The following MAP2K2 variants were observed in gnomAD, a reference collection of about 807,000 sequenced individuals.
MAP2K2 encodes the protein dual specificity mitogen-activated protein kinase kinase 2.
A neutral mutation model predicts 43.7 loss-of-function variants in MAP2K2; 24 were observed. That is an observed-to-expected ratio of 0.55 (90% CI 0.40 to 0.77). The LOEUF is 0.77. Among genes scored for constraint, MAP2K2 ranks in the 30% least tolerant of loss-of-function variants. The pLI, the probability that MAP2K2 is intolerant of heterozygous loss-of-function variation, is 0.00. For synonymous variants in MAP2K2, 244 were observed against 239.7 expected, an observed-to-expected ratio of 1.02 and a Z score of -0.17; for missense variants, 470 against 566.8, an observed-to-expected ratio of 0.83 and a Z score of 1.73.
intron 7 of MAP2K2, 43 bp from the exon 8 acceptor site, chr19:4,097,386 C>T (rs768442616): frequency 2.7e-6 from 4 of 1,484,012 alleles, no homozygotes; most frequent in Non-Finnish European, 3.8e-6. Context: ...CCGATGGCCA[C>T]CTCACTTCTG....
chr19:4,097,230 AAAG>A (rs2040931643), intron 8 of MAP2K2, 46 bp downstream of exon 8: 6 of 1,170,474 alleles, frequency 5.1e-6, no homozygotes, highest in Non-Finnish European at 7.4e-6. Flanking sequence ...AAAAAAAAAG[AAAG>A]AAGAAAGAAA....
intron 3 of MAP2K2, chr19:4,102,687 G>A (rs867446433): frequency 1.0e-4 from 115 of 1,132,524 alleles, no homozygotes; most frequent in South Asian, 5.2e-4. Context: ...CCCGCCTCCC[G>A]TCCCATCCTC....
intron 3 of MAP2K2, 28 bp downstream of exon 3, chr19:4,110,475 GCCCTGC>G (rs753323316): frequency 1.9e-6 from 3 of 1,610,232 alleles, no homozygotes; most frequent in East Asian, 2.2e-5. Flanking sequence ...TTCCGTGGAG[GCCCTGC>G]CCCTGCCCCT....
chr19:4,099,599 GA>G, intron 6 of MAP2K2, 185 bp from the exon 7 acceptor site: 1 of 609,598 alleles, frequency 1.6e-6, no homozygotes, highest in Non-Finnish European at 2.9e-6. Context: ...GGCACTTGCT[GA>G]AGAGGCTTCC....
intron 3 of MAP2K2, chr19:4,103,354 C>T (rs977588696): frequency 2.6e-6 from 2 of 765,242 alleles, no homozygotes; most frequent in Admixed American, 6.2e-5. Context: ...AATGCCAAAA[C>T]CCCAGGCACT....
In MAP2K2 at chr19:4,123,518, C is replaced by T. The variant is rs192871074; in HGVS notation, c.92+266G>A. Among the ~76,000 whole-genome samples the T allele has an allele frequency of 0.013, 1,953 of 151,468 alleles. 9 individuals carry two copies. The highest frequency in any genetic ancestry group is 0.02 in the Non-Finnish European group (1,367 of 67,792). On this transcript the variant is annotated intron_variant, in intron 1 of 10. Transcript: ENST00000262948. Reference sequence around the variant, plus strand: ...CCCAATCTCACTGCTCAAAGACCCCCCTGCCCCGTGCACCCTTCGCCCCGT... The same window carrying T: ...CCCAATCTCACTGCTCAAAGACCCCTCTGCCCCGTGCACCCTTCGCCCCGT...
At chr19:4,103,920 C>A (rs1301232794) in intron 3 of MAP2K2, among the ~76,000 whole-genome samples, 1 of 152,128 alleles carries the variant, frequency 6.6e-6, no homozygotes, top group East Asian at 1.9e-4. Flanking sequence ...GTGGAAGCTG[C>A]TTCTATTCTC....
rs946286490 is a variant in MAP2K2, at chr19:4,115,806, G to A, written c.303+1613C>T. On this transcript the variant is annotated intron_variant, in intron 2 of 10. Transcript: ENST00000262948. This position sits in a 1 kb window ranked among gnomAD's most constrained non-coding sequence, Gnocchi z 4.1. ...CAGTTTGGGGAACTACAGGATGGTG[G>A]GCTTCCAGGAAGAGGCAGCGTTCTA... is the stretch of plus-strand genomic sequence containing the variant. 1.5e-4 allele frequency among the ~76,000 whole-genome samples: 23 copies of A among 152,170 alleles called. No homozygotes were observed. The highest frequency in any genetic ancestry group is 5.3e-4 in the African/African-American group (22 of 41,456).
intron 3 of MAP2K2, among the ~76,000 whole-genome samples, chr19:4,108,495 G>A (rs2041116163): frequency 1.3e-5 from 2 of 150,352 alleles, no homozygotes; most frequent in Non-Finnish European, 3.0e-5. Context: ...TCCTGAACTC[G>A]CCTCGGCCTC....
intron 1 of MAP2K2, among the ~76,000 whole-genome samples, chr19:4,123,546 T>TGCGAGGGCCCCCTGCCCCGTCCTCCC (rs1568266533): frequency 1.6e-5 from 1 of 63,512 alleles, no homozygotes; most frequent in Non-Finnish European, 3.0e-5. Flanking sequence ...CGCCCCGTCC[T>TGCGAGGGCCCCCTGCCCCGTCCTCCC]CCGAGGGCCC....
At chr19:4,103,795 T>A (rs965511084) in intron 3 of MAP2K2, among the ~76,000 whole-genome samples, 5 of 152,100 alleles carry the variant, frequency 3.3e-5, no homozygotes, top group African/African-American at 1.2e-4. Context: ...CGTGACTCCA[T>A]CCACCAGCTC....
chr19:4,123,872 G>A lies in MAP2K2; in HGVS notation c.4C>T (p.Leu2=), dbSNP rs2145090083. The A allele has an allele frequency of 4.1e-6, 6 of 1,469,074 alleles. No homozygotes were observed. The highest frequency in any genetic ancestry group is 5.4e-6 in the Non-Finnish European group (6 of 1,107,576). The allele number at this position is 1,469,074 out of a possible 1,614,324, so 91.0% of individuals were successfully genotyped here. The change falls in exon 1 of 11, where the codon CTG becomes TTG. Residue 2 remains leucine, a synonymous_variant. Coordinates refer to ENST00000262948, the MANE Select transcript of MAP2K2 (RefSeq NM_030662.4). M[L]ARRKPVLPAL... is the part of the protein sequence containing the mutation. ...GGCAGCACCGGCTTCCTCCGGGCCA[G>A]CATCGGGGCTCCGCGGGCCGGCGGC...
chr19:4,114,656 T>C (rs1462842386), intron 2 of MAP2K2, among the ~76,000 whole-genome samples: 3 of 152,136 alleles, frequency 2.0e-5, no homozygotes, highest in South Asian at 2.1e-4. Context: ...TGACCTCAAA[T>C]ACCGAGACTG....
intron 3 of MAP2K2, chr19:4,102,933 CG>C (rs1306854848): frequency 1.6e-4 from 182 of 1,124,518 alleles, no homozygotes; most frequent in Non-Finnish European, 1.9e-4. Flanking sequence ...GGAGGAGACG[CG>C]GGTGCTGCCC....
In MAP2K2 at chr19:4,107,705, C is replaced by T. The variant is rs991151780; in HGVS notation, c.450+2804G>A. Among the ~76,000 whole-genome samples the T allele has an allele frequency of 2.0e-5, 3 of 151,744 alleles. No individual in the cohort carries two copies. The South Asian group carries it at 6.3e-4, about 32-fold the overall frequency. On this transcript the variant is annotated intron_variant, in intron 3 of 10. Coordinates refer to ENST00000262948, the MANE Select transcript of MAP2K2 (RefSeq NM_030662.4). ...CTGGGTGACAGAGAGAGACCTTGTA[C>T]CCCCTACCCCCCACAAAAAAAGAAG...
rs201526172 is a variant in MAP2K2, at chr19:4,117,581, G to A, written c.141C>T (p.Asp47=). ...CTTCCAGCCGCTTCTTCTGCTGCTCGTCAAGTTCCAGCTCCTCCAGCTTCT... is the reference window on the plus strand; with the variant it reads ...CTTCCAGCCGCTTCTTCTGCTGCTCATCAAGTTCCAGCTCCTCCAGCTTCT... The part of the protein sequence containing the change: ...LQKKLEELEL[D]EQQKKRLEAF... Residue 47 remains aspartate (D), a synonymous_variant, in exon 2 of 11, where the codon GAC becomes GAT. Transcript: ENST00000262948. 60 of 1,614,118 alleles carry A rather than the reference G, an allele frequency of 3.7e-5. No individual in the cohort carries two copies. The East Asian group carries it at 7.6e-4, about 20-fold the overall frequency.
chr19:4,099,608 T>A, intron 6 of MAP2K2, 194 bp from the exon 7 acceptor site: 1 of 602,782 alleles, frequency 1.7e-6, no homozygotes, highest in Non-Finnish European at 3.0e-6. Flanking sequence ...TGAAGAGGCT[T>A]CCAGCCCGAG....
At position 4,110,634 on chromosome 19, in the gene MAP2K2, G is replaced by A. The variant is rs1060502983; in HGVS notation, c.325C>T (p.Pro109Ser). 1.2e-6 allele frequency: 2 copies of A among 1,613,316 alleles called. No homozygotes were observed. The highest frequency in any genetic ancestry group is 1.3e-5 in the African/African-American group (1 of 75,062). Residue 109 changes from proline (P) to serine (S), a missense_variant, in exon 3 of 11, where the codon CCG becomes TCG. Around this residue, in one of 3 missense-constraint regions of MAP2K2, gnomAD observed 200 missense variants for 297.9 expected, o/e 0.67. Coordinates refer to ENST00000262948, the MANE Select transcript of MAP2K2 (RefSeq NM_030662.4). ...CGGATGATCTGGTTCCGGATGGCCG[G>A]CTTGATCTCAAGGTGGATCAGCTGC... ...ARKLIHLEIK[P>S]AIRNQIIREL... is the part of the protein sequence containing the mutation.
chr19:4,105,361 C>T (rs983828466), intron 3 of MAP2K2, among the ~76,000 whole-genome samples: 2 of 151,860 alleles, frequency 1.3e-5, no homozygotes, highest in South Asian at 2.1e-4. Flanking sequence ...CTCCGCCTCC[C>T]GGGTTCACGC....
Sources: gnomAD v4.1 joint callset for allele counts (sites outside exome capture counted in the v4.1 genomes callset) on GRCh38, gnomAD v4.1.1 for gene constraint, gnomAD v4.1.1 regional missense constraint, Gnocchi (gnomAD v3.1) non-coding constraint, MANE v1.5 for transcripts, NCBI Gene and HGNC (gene_info 2026-07-23, HGNC 2026-07-21) for gene names.